Variants in MIPEP observed in about 807,000 individuals in gnomAD.
MIPEP encodes the protein mitochondrial intermediate peptidase.
In MIPEP, 79 loss-of-function variants were observed where a neutral mutation model predicts 90.3. The ratio of observed to expected loss-of-function variants is 0.87; its 90% CI spans 0.73 to 1.05. The LOEUF (loss-of-function observed/expected upper bound fraction) is 1.05, where lower values mean the gene tolerates loss of function less well. Among genes scored for constraint, MIPEP ranks in the 50% least tolerant of loss-of-function variants. The pLI is 0.00. For missense variants in MIPEP, 940 were observed against 905.6 expected (o/e 1.04, Z -0.49); for synonymous variants, 334 against 315.8 (o/e 1.06, Z -0.61).
At chr13:23,787,864 T>C (rs895768950) in intron 16 of MIPEP, among the ~76,000 whole-genome samples, 1 of 152,202 alleles carries the variant, frequency 6.6e-6, no homozygotes, top group African/African-American at 2.4e-5. Context: ...AAATTTCTAC[T>C]CTGAGCCCAA....
Position 23,856,328 on chromosome 13 carries a change from G to T in MIPEP, c.1106+2532C>A, listed in dbSNP as rs189238721. 7.2e-5 allele frequency among the ~76,000 whole-genome samples: 11 copies of T among 152,336 alleles called. No individual in the cohort carries two copies. The East Asian group carries it at 1.5e-3, about 21-fold the overall frequency. On this transcript the variant is annotated intron_variant, in intron 10 of 18. Coordinates refer to ENST00000382172, the MANE Select transcript of MIPEP (RefSeq NM_005932.4). ...TTGAGACAGAAAGGGGTTTGGCTGG[G>T]ATAAACTGTGGAGGAAGAGCAGCGG...
chr13:23,830,954 T>A (rs1566009407), intron 14 of MIPEP, among the ~76,000 whole-genome samples: 1 of 151,886 alleles, frequency 6.6e-6, no homozygotes, highest in Non-Finnish European at 1.5e-5. Context: ...TGGGTAAAGA[T>A]AAGGATAGTG....
rs543253507 is a variant in MIPEP, at chr13:23,809,463, G to C, written c.1728+387C>G. ...AGGTTCAAGCGATTCTCCTGCCTCA[G>C]CCTCCTGAGTAGCTGGGATTATAAG... On this transcript the variant is annotated intron_variant, in intron 15 of 18. Coordinates refer to ENST00000382172, the MANE Select transcript of MIPEP (RefSeq NM_005932.4). Among the ~76,000 whole-genome samples the C allele has an allele frequency of 9.8e-4, 149 of 151,964 alleles. 3 individuals are homozygous for C. In the South Asian group the frequency reaches 0.014, roughly 15 times the overall value.
At chr13:23,736,618 T>G (rs1952266653) in intron 18 of MIPEP, among the ~76,000 whole-genome samples, 1 of 152,180 alleles carries the variant, frequency 6.6e-6, no homozygotes, top group Non-Finnish European at 1.5e-5. Context: ...AAACTGCGGC[T>G]TTCCAGTCCT....
intron 16 of MIPEP, among the ~76,000 whole-genome samples, chr13:23,764,014 C>T (rs1952571394): frequency 6.6e-6 from 1 of 152,188 alleles, no homozygotes; most frequent in South Asian, 2.1e-4. Context: ...ATCTTAAGCG[C>T]TGGAATTATG....
At chr13:23,836,214 C>T in intron 14 of MIPEP, 26 bp downstream of exon 14, 1 of 1,448,510 alleles carries the variant, frequency 6.9e-7, no homozygotes, top group Non-Finnish European at 9.4e-7. Flanking sequence ...ACCCAAAGGA[C>T]AAGACGACAA....
At chr13:23,811,467 C>A (rs886610147) in intron 14 of MIPEP, among the ~76,000 whole-genome samples, 5 of 152,128 alleles carry the variant, frequency 3.3e-5, no homozygotes, top group Admixed American at 1.3e-4. Flanking sequence ...GACCTTCCTG[C>A]TTGTTTGGGG....
At chr13:23,864,077 A>C in intron 8 of MIPEP, 64 bp downstream of exon 8, 1 of 933,020 alleles carries the variant, frequency 1.1e-6, no homozygotes, top group South Asian at 1.7e-5. Flanking sequence ...TTATAAATCA[A>C]GTCTTCTTTA....
intron 16 of MIPEP, among the ~76,000 whole-genome samples, chr13:23,801,027 T>A (rs535287069): frequency 6.6e-6 from 1 of 152,238 alleles, no homozygotes; most frequent in Non-Finnish European, 1.5e-5. Context: ...CCAGATTATG[T>A]ACCTAAATTT....
intron 4 of MIPEP, among the ~76,000 whole-genome samples, chr13:23,876,052 T>C (rs1871059754): frequency 6.6e-6 from 1 of 152,214 alleles, no homozygotes; most frequent in Non-Finnish European, 1.5e-5. Flanking sequence ...AAATCCTTGT[T>C]ACAGTTTTTA....
chr13:23,888,840 G>T, intron 1 of MIPEP: 1 of 761,586 alleles, frequency 1.3e-6, no homozygotes, highest in Non-Finnish European at 1.7e-6. Flanking sequence ...CTGGCAGGAC[G>T]AATTCACCGC....
Position 23,753,240 on chromosome 13 carries a change from AT to A in MIPEP, c.2044+3304del, listed in dbSNP as rs368841578. 2.1e-3 allele frequency among the ~76,000 whole-genome samples: 278 copies of A among 135,110 alleles called. 2 individuals are homozygous for A. The highest frequency in any genetic ancestry group is 7.1e-3 in the East Asian group (36 of 5,070). The allele number at this position is 135,110 out of a possible 152,430, so 88.6% of individuals were successfully genotyped here. On this transcript the variant is annotated intron_variant, in intron 18 of 18. Transcript: ENST00000382172. ...CTCCATCTCAAAAAAAAAAAAAAAA[AT>A]AATAATAATAATAAGACAAAAAAAG...
rs1377644523 is a variant in MIPEP, at chr13:23,887,668, C to T, written c.190-1162G>A. On this transcript the variant is annotated intron_variant, in intron 1 of 18. Coordinates refer to ENST00000382172, the MANE Select transcript of MIPEP (RefSeq NM_005932.4). ...ACATGGGGGAACTCAATGAAAGAAA[C>T]AAGTGACCGGAGCAGATGCTAGGCT... Among the ~76,000 whole-genome samples, 3 of 152,228 alleles carry T rather than the reference C, an allele frequency of 2.0e-5. No individual in the cohort carries two copies. In the East Asian group the frequency reaches 5.8e-4, roughly 29 times the overall value.
intron 16 of MIPEP, among the ~76,000 whole-genome samples, chr13:23,801,859 C>A (rs1953046203): frequency 6.6e-6 from 1 of 152,180 alleles, no homozygotes; most frequent in African/African-American, 2.4e-5. Context: ...AATCCTCCCC[C>A]TCACCTTTTT....
intron 16 of MIPEP, among the ~76,000 whole-genome samples, chr13:23,793,107 T>C (rs1212652645): frequency 1.3e-5 from 2 of 152,236 alleles, no homozygotes; most frequent in African/African-American, 4.8e-5. Context: ...TGAATGTTTA[T>C]GTCCACCAAA....
intron 16 of MIPEP, among the ~76,000 whole-genome samples, chr13:23,774,900 T>A (rs1158918491): frequency 6.8e-6 from 1 of 147,588 alleles, no homozygotes; most frequent in African/African-American, 2.5e-5. Context: ...GTTCAAGCAA[T>A]TCTCCTGCCT....
intron 18 of MIPEP, among the ~76,000 whole-genome samples, chr13:23,754,227 G>A (rs1013284560): frequency 6.6e-6 from 1 of 152,020 alleles, no homozygotes. Flanking sequence ...CTGTTTTGGG[G>A]TACAGACTGA....
chr13:23,807,593 G>T (rs1257294102), intron 15 of MIPEP, among the ~76,000 whole-genome samples: 1 of 152,100 alleles, frequency 6.6e-6, no homozygotes, highest in African/African-American at 2.4e-5. Context: ...TCTTCTAACT[G>T]GTAATCTAAA....
intron 7 of MIPEP, among the ~76,000 whole-genome samples, chr13:23,866,000 C>T (rs894900042): frequency 2.0e-5 from 3 of 152,098 alleles, no homozygotes; most frequent in African/African-American, 7.2e-5. Flanking sequence ...AGAGAATTGT[C>T]ATATTAAGAT....
Sources: allele counts gnomAD v4.1 joint callset (sites outside exome capture counted in the v4.1 genomes callset), GRCh38; gene constraint gnomAD v4.1.1; transcripts MANE v1.5; gene names NCBI Gene and HGNC (gene_info 2026-07-23, HGNC 2026-07-21).